TRMT9B: variants seen among roughly 807,000 people sequenced by gnomAD.
TRMT9B encodes tRNA methyltransferase 9B (putative).
A neutral mutation model predicts 11.5 loss-of-function variants in TRMT9B; 16 were observed. That is an observed-to-expected ratio of 1.39 (90% CI 0.94 to 2.11). The LOEUF is 2.11. Among genes scored for constraint, TRMT9B ranks in the 30% most tolerant of loss-of-function variants. The pLI is 0.00. For synonymous variants in TRMT9B, 274 were observed against 192.4 expected (o/e 1.42, Z -3.51); for missense variants, 941 against 553.8 (o/e 1.70, Z -7.02).
intron 1 of TRMT9B, among the ~76,000 whole-genome samples, chr8:12,990,077 A>G (rs1198751092): frequency 6.6e-6 from 1 of 152,232 alleles, no homozygotes; most frequent in African/African-American, 2.4e-5. Context: ...GCACCCTGCC[A>G]TCGTGAGAAT....
rs1006180028 is a variant in TRMT9B, at chr8:12,964,741, G to A, written c.-200+18775G>A. On this transcript the variant is annotated intron_variant, in intron 1 of 4. Transcript: ENST00000524591. ...AAGCATGCCACCACACCAGGCTAAT[G>A]TTTTTTGTTTGTTTGTTTGTTTGTT... 2.6e-4 allele frequency among the ~76,000 whole-genome samples: 31 copies of A among 120,388 alleles called. 2 individuals are homozygous for A. Among genetic ancestry groups the A allele is most frequent in the Non-Finnish European group, 5.7e-4 (30 of 52,202 alleles). 79.0% of individuals were successfully genotyped at this position (120,388 alleles called of 152,430 possible).
At chr8:12,985,489 G>C (rs1206816001) in intron 1 of TRMT9B, among the ~76,000 whole-genome samples, 1 of 152,144 alleles carries the variant, frequency 6.6e-6, no homozygotes, top group Admixed American at 6.6e-5. Context: ...AATATTGCTT[G>C]CTGTCTATAC....
intron 1 of TRMT9B, among the ~76,000 whole-genome samples, chr8:12,982,789 C>T (rs1395010906): frequency 2.6e-5 from 4 of 152,130 alleles, no homozygotes; most frequent in African/African-American, 4.8e-5. Context: ...CCACATGATG[C>T]CACAAGTGGA....
rs1040629415 is a variant in TRMT9B, at chr8:13,025,315, T to G, written c.*3271T>G. On this transcript the variant is annotated 3_prime_UTR_variant, in exon 5 of 5. Coordinates refer to ENST00000524591, the MANE Select transcript of TRMT9B (RefSeq NM_020844.3). The stretch of plus-strand genomic sequence containing the variant: ...GGGTGGATCAGCTGAGGTCAGGAGT[T>G]TGAGACCAGCCTGACCAACATGGTG... The G allele has an allele frequency of 1.2e-5, 2 of 166,322 alleles. No individual in the cohort carries two copies. The highest frequency in any genetic ancestry group is 1.3e-4 in the Admixed American group (2 of 15,276). 10.3% of individuals were successfully genotyped at this position (166,322 alleles called of 1,614,324 possible).
Position 13,027,095 on chromosome 8 carries a change from C to A in TRMT9B, c.*5051C>A, listed in dbSNP as rs1563486102. The A allele has an allele frequency of 6.0e-6, 1 of 167,044 alleles. No homozygotes were observed. The highest frequency in any genetic ancestry group is 1.5e-5 in the Non-Finnish European group (1 of 68,118). The allele number at this position is 167,044 out of a possible 1,614,324, so 10.3% of individuals were successfully genotyped here. A position where few individuals can be genotyped will look rare whatever the true frequency, so the allele number is the denominator to read the frequency against. ...TTGTTTTCCCATTTTATAAGTAAGG[C>A]AACTGAGGACTATTCAGATATTTCA... On this transcript the variant is annotated 3_prime_UTR_variant, in exon 5 of 5. Coordinates refer to ENST00000524591, the MANE Select transcript of TRMT9B (RefSeq NM_020844.3).
intron 1 of TRMT9B, chr8:12,960,241 T>G (rs1356776566): frequency 1.3e-5 from 2 of 152,242 alleles, no homozygotes; most frequent in African/African-American, 4.8e-5. Context: ...TGCTCATTTT[T>G]AGTGGCAGCC....
At chr8:13,016,352 A>C (rs1812703403) in intron 4 of TRMT9B, among the ~76,000 whole-genome samples, 1 of 146,636 alleles carries the variant, frequency 6.8e-6, no homozygotes, top group South Asian at 2.1e-4. Context: ...TATATGACAT[A>C]TATAAGGACC....
At chr8:12,999,955 AT>A (rs1215120328) in intron 2 of TRMT9B, among the ~76,000 whole-genome samples, 4 of 152,238 alleles carry the variant, frequency 2.6e-5, no homozygotes, top group Admixed American at 6.5e-5. Context: ...GGGAACTTAT[AT>A]GGTAACAAGT....
intron 4 of TRMT9B, among the ~76,000 whole-genome samples, chr8:13,018,673 C>T (rs1402983098): frequency 6.6e-6 from 1 of 152,162 alleles, no homozygotes; most frequent in African/African-American, 2.4e-5. Context: ...CTGATCACAA[C>T]ATTTTTGTCA....
intron 1 of TRMT9B, among the ~76,000 whole-genome samples, chr8:12,973,012 G>C (rs2947368): frequency 0.51 from 76,943 of 151,666 alleles, 19,917 homozygotes; most frequent in East Asian, 0.63. Flanking sequence ...CAGGCCCTGG[G>C]AGCCACCATT....
chr8:13,021,210 G>T lies in TRMT9B; in HGVS notation c.531G>T (p.Arg177Ser). Residue 177 changes from arginine (R) to serine (S), a missense_variant, in exon 5 of 5, where the codon AGG becomes AGT. By Grantham distance (110) the Arg-to-Ser change is moderately radical. Transcript: ENST00000524591. ...TCTCAGAGTCCAGCCAGTCTGGGAG[G>T]AAGAGGCAGTGTGGATACCCAGAAA... ...QLFSESSQSG[R>S]KRQCGYPERG... 1 of 1,613,854 alleles carries T rather than the reference G, an allele frequency of 6.2e-7. No homozygotes were observed. Among genetic ancestry groups the T allele is most frequent in the Non-Finnish European group, 8.5e-7 (1 of 1,179,798 alleles).
intron 3 of TRMT9B, chr8:13,011,886 A>G: frequency 5.1e-6 from 5 of 984,532 alleles, no homozygotes; most frequent in African/African-American, 3.5e-5. Flanking sequence ...TAAAAATTTG[A>G]AAGGCATGTT....
At chr8:13,012,473 G>T (rs1005008137) in intron 3 of TRMT9B, 43 of 582,976 alleles carry the variant, frequency 7.4e-5, no homozygotes, top group Non-Finnish European at 7.3e-5. Flanking sequence ...TACTCGGGAG[G>T]CTAAGGCAAG....
intron 1 of TRMT9B, among the ~76,000 whole-genome samples, chr8:12,976,749 C>T (rs1050726897): frequency 1.3e-5 from 2 of 152,170 alleles, no homozygotes; most frequent in African/African-American, 2.4e-5. Context: ...CTGGGGTTAG[C>T]ACTGACAGGA....
chr8:12,967,453 C>T (rs376570361), intron 1 of TRMT9B, among the ~76,000 whole-genome samples: 3 of 152,152 alleles, frequency 2.0e-5, no homozygotes, highest in East Asian at 1.9e-4. Flanking sequence ...ATGGTGACAA[C>T]GATGATTTGT....
intron 1 of TRMT9B, among the ~76,000 whole-genome samples, chr8:12,975,567 T>C (rs1225055747): frequency 6.6e-6 from 1 of 151,742 alleles, no homozygotes; most frequent in Non-Finnish European, 1.5e-5. Context: ...CGAAACCGAG[T>C]CTCTATTAAA....
In TRMT9B at chr8:13,024,771, T is replaced by A. The variant is rs532701363; in HGVS notation, c.*2727T>A. On this transcript the variant is annotated 3_prime_UTR_variant, in exon 5 of 5. Coordinates refer to ENST00000524591, the MANE Select transcript of TRMT9B (RefSeq NM_020844.3). Reference sequence around the variant, plus strand: ...GCATGCTGACTAATAAGTCTTTTACTCTTCATCTAATGAACATAAGAATCT... The same window carrying A: ...GCATGCTGACTAATAAGTCTTTTACACTTCATCTAATGAACATAAGAATCT... 70 of 167,164 alleles carry A rather than the reference T, an allele frequency of 4.2e-4. 1 individual carries two copies. The highest frequency in any genetic ancestry group is 1.6e-3 in the African/African-American group (67 of 41,584). 10.4% of individuals were successfully genotyped at this position (167,164 alleles called of 1,614,324 possible). A position where few individuals can be genotyped will look rare whatever the true frequency, so the allele number is the denominator to read the frequency against.
At chr8:12,949,726 G>A (rs1467190281) in intron 1 of TRMT9B, among the ~76,000 whole-genome samples, 1 of 151,974 alleles carries the variant, frequency 6.6e-6, no homozygotes, top group Non-Finnish European at 1.5e-5. Context: ...TATATAAGGG[G>A]GTTTCAAAGC....
At chr8:12,972,193 C>A (rs1298694305) in intron 1 of TRMT9B, among the ~76,000 whole-genome samples, 1 of 152,172 alleles carries the variant, frequency 6.6e-6, no homozygotes, top group Non-Finnish European at 1.5e-5. Flanking sequence ...CAGCAGGAAG[C>A]AGCTGCCCCT....
Sources: allele counts gnomAD v4.1 joint callset (sites outside exome capture counted in the v4.1 genomes callset), GRCh38; gene constraint gnomAD v4.1.1; transcripts MANE v1.5; gene names NCBI Gene and HGNC (gene_info 2026-07-23, HGNC 2026-07-21).